CRYL1: variants seen among roughly 807,000 people sequenced by gnomAD.
CRYL1 encodes lambda-crystallin homolog.
A neutral mutation model predicts 36.6 loss-of-function variants in CRYL1; 29 were observed. The observed-to-expected ratio is 0.79, with a 90% CI of 0.59 to 1.08. The LOEUF (loss-of-function observed/expected upper bound fraction) is 1.08, where lower values mean the gene tolerates loss of function less well. Among genes scored for constraint, CRYL1 ranks in the 50% least tolerant of loss-of-function variants. The pLI is 0.00. For synonymous variants in CRYL1, 152 were observed against 151.5 expected, an observed-to-expected ratio of 1.00 and a Z score of -0.02; for missense variants, 411 against 407.9, an observed-to-expected ratio of 1.01 and a Z score of -0.06.
chr13:20,495,862 G>A (rs891644682), intron 2 of CRYL1, among the ~76,000 whole-genome samples: 1 of 152,176 alleles, frequency 6.6e-6, no homozygotes, highest in Non-Finnish European at 1.5e-5. Context: ...CAGTGGCGCA[G>A]TCTCAGCTCA....
chr13:20,431,494 T>C, intron 5 of CRYL1: 5 of 993,496 alleles, frequency 5.0e-6, no homozygotes, highest in Non-Finnish European at 6.0e-6. Context: ...CTGACCTATC[T>C]CCTCCAGGCA....
In CRYL1 at chr13:20,489,350, C is replaced by G. The variant is rs774669994; in HGVS notation, c.276+20G>C. On this transcript the variant is annotated intron_variant, in intron 3 of 7. Transcript: ENST00000298248. ...AATGTCTCAGGCCCCACAGATGCGG[C>G]GCCAGTGTCCTTCACTCACCTGAAT... 1.7e-5 allele frequency: 27 copies of G among 1,611,932 alleles called. No individual in the cohort carries two copies. The South Asian group carries it at 2.9e-4, about 17-fold the overall frequency.
chr13:20,404,771 A>G (rs775472496), intron 6 of CRYL1, 30 bp from the exon 7 acceptor site: 5 of 1,435,208 alleles, frequency 3.5e-6, no homozygotes, highest in Non-Finnish European at 4.9e-6. Context: ...AGAATCCACA[A>G]TCTCAGAAAA....
intron 5 of CRYL1, among the ~76,000 whole-genome samples, chr13:20,419,264 G>A (rs1748533075): frequency 6.6e-6 from 1 of 152,068 alleles, no homozygotes; most frequent in African/African-American, 2.4e-5. Flanking sequence ...AATGCTACAG[G>A]GAGTAACAGA....
At chr13:20,459,789 T>C (rs1026881443) in intron 3 of CRYL1, among the ~76,000 whole-genome samples, 2 of 152,126 alleles carry the variant, frequency 1.3e-5, no homozygotes, top group Non-Finnish European at 1.5e-5. Flanking sequence ...CAAACCCCCA[T>C]GACATGCAAT....
At chr13:20,473,670 C>T (rs2033105782) in intron 3 of CRYL1, among the ~76,000 whole-genome samples, 1 of 152,194 alleles carries the variant, frequency 6.6e-6, no homozygotes. Flanking sequence ...AGAAGGAGCC[C>T]GTTGGTGAAA....
At chr13:20,492,774 T>A (rs1292035431) in intron 2 of CRYL1, among the ~76,000 whole-genome samples, 1 of 152,250 alleles carries the variant, frequency 6.6e-6, no homozygotes, top group East Asian at 1.9e-4. Flanking sequence ...TCTGGACATC[T>A]AACTGTGGTT....
At chr13:20,507,685 A>AG (rs1403312272) in intron 2 of CRYL1, among the ~76,000 whole-genome samples, 3 of 151,742 alleles carry the variant, frequency 2.0e-5, no homozygotes, top group Non-Finnish European at 4.4e-5. Context: ...TTGGGAGGCC[A>AG]AGGCAGGCGG....
intron 1 of CRYL1, among the ~76,000 whole-genome samples, chr13:20,520,289 G>C (rs564870856): frequency 6.6e-6 from 1 of 152,144 alleles, no homozygotes; most frequent in South Asian, 2.1e-4. Context: ...GTCAAGAGAG[G>C]GTGCTTTTCT....
intron 3 of CRYL1, among the ~76,000 whole-genome samples, chr13:20,469,470 T>G (rs535903045): frequency 3.9e-5 from 6 of 152,282 alleles, no homozygotes; most frequent in Admixed American, 1.3e-4. Flanking sequence ...TCAGGATGCT[T>G]TCAGCTACGT....
intron 5 of CRYL1, 106 bp downstream of exon 5, chr13:20,431,996 C>A (rs1454482507): frequency 1.3e-6 from 2 of 1,583,300 alleles, no homozygotes. Flanking sequence ...TTCCCAGCTT[C>A]CAGGCTGCCC....
chr13:20,407,410 T>C (rs553951025), intron 6 of CRYL1, among the ~76,000 whole-genome samples: 1 of 152,214 alleles, frequency 6.6e-6, no homozygotes, highest in African/African-American at 2.4e-5. Context: ...TGACTGTTAT[T>C]TGCAACTCCT....
intron 3 of CRYL1, among the ~76,000 whole-genome samples, chr13:20,473,809 A>T (rs2033108595): frequency 6.6e-6 from 1 of 152,238 alleles, no homozygotes; most frequent in Admixed American, 6.5e-5. Flanking sequence ...TTCTCTTTTC[A>T]TCATGATTTA....
intron 4 of CRYL1, 100 bp from the exon 5 acceptor site, chr13:20,432,396 A>T (rs2032089444): frequency 4.0e-6 from 3 of 749,028 alleles, no homozygotes; most frequent in Non-Finnish European, 2.1e-6. Context: ...GCATCTTTGG[A>T]ATGGTGCCTT....
intron 4 of CRYL1, among the ~76,000 whole-genome samples, chr13:20,438,238 G>A (rs890917953): frequency 2.6e-5 from 4 of 152,098 alleles, no homozygotes; most frequent in Admixed American, 1.3e-4. Flanking sequence ...CTACAGATCC[G>A]GTAGGAGTCT....
chr13:20,440,428 G>A (rs1199292311), intron 3 of CRYL1, among the ~76,000 whole-genome samples: 2 of 152,168 alleles, frequency 1.3e-5, no homozygotes, highest in Admixed American at 1.3e-4. Context: ...TGGAAAATAC[G>A]ATAAATCTTG....
chr13:20,419,020 T>C (rs2031738331), intron 5 of CRYL1: 1 of 152,110 alleles, frequency 6.6e-6, no homozygotes, highest in African/African-American at 2.4e-5. Flanking sequence ...GCACTGGGCT[T>C]GTGTGGATCA....
chr13:20,437,796 G>A lies in CRYL1; in HGVS notation c.438+1797C>T, dbSNP rs369114588. Among the ~76,000 whole-genome samples, 9 of 152,086 alleles carry A rather than the reference G, an allele frequency of 5.9e-5. No individual in the cohort carries two copies. In the South Asian group the frequency reaches 6.2e-4, roughly 10 times the overall value. ...TTAAAATTAAAGAGATGCAGTAAAC[G>A]TCTCGTCAAATAACTCAGGAGGTAT... On this transcript the variant is annotated intron_variant, in intron 4 of 7. Coordinates refer to ENST00000298248, the MANE Select transcript of CRYL1 (RefSeq NM_015974.3).
At chr13:20,430,442 A>G (rs113798640) in intron 5 of CRYL1, 6 of 985,362 alleles carry the variant, frequency 6.1e-6, no homozygotes, top group African/African-American at 3.5e-5. Context: ...TGTTCCCGCT[A>G]GCCAGTAACA....
Sources: allele counts gnomAD v4.1 joint callset (sites outside exome capture counted in the v4.1 genomes callset), GRCh38; gene constraint gnomAD v4.1.1; transcripts MANE v1.5; gene names NCBI Gene and HGNC (gene_info 2026-07-23, HGNC 2026-07-21).